ITPRIPL1: variants seen among roughly 807,000 people sequenced by gnomAD.
ITPRIPL1 encodes ITPRIP like 1, also known as inositol 1,4,5-trisphosphate receptor-interacting protein-like 1.
In ITPRIPL1, 28 loss-of-function variants were observed where a neutral mutation model predicts 40.0. The observed-to-expected ratio is 0.70, with a 90% confidence interval of 0.52 to 0.96. The LOEUF (loss-of-function observed/expected upper bound fraction) is 0.96, where lower values mean the gene tolerates loss of function less well. Among genes scored for constraint, ITPRIPL1 ranks in the 40% least tolerant of loss-of-function variants. The probability of loss-of-function intolerance (pLI) is 0.00; values close to 1 mark genes in which losing one functional copy is unlikely to be tolerated. For synonymous variants in ITPRIPL1, 251 were observed against 275.7 expected, an observed-to-expected ratio of 0.91 and a Z score of 0.89; for missense variants, 638 against 698.0, an observed-to-expected ratio of 0.91 and a Z score of 0.97.
chr2:96,327,529 A>G lies in ITPRIPL1; in HGVS notation c.898A>G (p.Ser300Gly). 6.2e-7 allele frequency: 1 copy of G among 1,613,986 alleles called. No individual in the cohort carries two copies. Among genetic ancestry groups the G allele is most frequent in the Non-Finnish European group, 8.5e-7 (1 of 1,179,986 alleles). ...RDPSAVLGKC[S>G]SSIKAALCTG... Reference sequence around the variant, plus strand: ...CCCCTCGGCAGTCTTGGGGAAGTGTAGTAGCTCCATCAAGGCAGCTCTCTG... The same window carrying G: ...CCCCTCGGCAGTCTTGGGGAAGTGTGGTAGCTCCATCAAGGCAGCTCTCTG... Residue 300 changes from serine to glycine, a missense_variant, in exon 3 of 3, where the codon AGT becomes GGT. By Grantham distance (56) the Ser-to-Gly change is moderately conservative (BLOSUM62 0). Transcript: ENST00000439118.
At position 96,325,744 on chromosome 2, in the gene ITPRIPL1, C is replaced by T; in HGVS notation, c.-93-3C>T. The T allele has an allele frequency of 7.7e-7, 1 of 1,297,066 alleles. No homozygotes were observed. The highest frequency in any genetic ancestry group is 1.1e-6 in the Non-Finnish European group (1 of 892,194). The allele number at this position is 1,297,066 out of a possible 1,614,324, so 80.3% of individuals were successfully genotyped here. A position where few individuals can be genotyped will look rare whatever the true frequency, so the allele number is the denominator to read the frequency against. On this transcript the variant is annotated splice_region_variant and splice_polypyrimidine_tract_variant and intron_variant, in intron 1 of 2. Transcript: ENST00000439118. Reference sequence around the variant, plus strand: ...CCCCCAGGTACCTTGTACATTTTAACAGGGCTCCTAGAGAGGGCGGGGAGA... The same window carrying T: ...CCCCCAGGTACCTTGTACATTTTAATAGGGCTCCTAGAGAGGGCGGGGAGA...
At position 96,326,106 on chromosome 2, in the gene ITPRIPL1, G is replaced by T. The variant is rs536337049; in HGVS notation, c.10+257G>T. 2.8e-5 allele frequency: 40 copies of T among 1,404,116 alleles called. No homozygotes were observed. The East Asian group carries it at 1.0e-3, about 36-fold the overall frequency. 87.0% of individuals were successfully genotyped at this position (1,404,116 alleles called of 1,614,324 possible). A position where few individuals can be genotyped will look rare whatever the true frequency, so the allele number is the denominator to read the frequency against. ...TCTCTTGCGCTCCCTGGGCAGAGAG[G>T]GAGAGGCTGAGTGATGAGGCTCACT... On this transcript the variant is annotated intron_variant, in intron 2 of 2. Coordinates refer to ENST00000439118, the MANE Select transcript of ITPRIPL1 (RefSeq NM_001008949.3).
Position 96,327,066 on chromosome 2 carries a change from G to C in ITPRIPL1, c.435G>C (p.Glu145Asp). 6.2e-7 allele frequency: 1 copy of C among 1,614,186 alleles called. No homozygotes were observed. The highest frequency in any genetic ancestry group is 8.5e-7 in the Non-Finnish European group (1 of 1,180,026). ...TTGATTCCAGCAGTGAGGAGGAGGA[G>C]GAGGAAGTCCGTGTTGTCCCTGTCA... ...PAFDSSSEEE[E>D]EEVRVVPVTS... Residue 145 changes from glutamate (E) to aspartate (D), a missense_variant, in exon 3 of 3, where the codon GAG becomes GAC. Transcript: ENST00000439118.
Position 96,328,174 on chromosome 2 carries a change from C to A in ITPRIPL1, c.1543C>A (p.Pro515Thr). 6.2e-7 allele frequency: 1 copy of A among 1,614,172 alleles called. No homozygotes were observed. Among genetic ancestry groups the A allele is most frequent in the Non-Finnish European group, 8.5e-7 (1 of 1,180,028 alleles). ...PIPKTFRNAEPVNLFQHLVLN... is the reference protein window; with the variant it reads ...PIPKTFRNAETVNLFQHLVLN... Reference sequence around the variant, plus strand: ...CCCTAAGACATTTAGGAATGCTGAGCCGGTCAATCTCTTCCAACACCTGGT... The same window carrying A: ...CCCTAAGACATTTAGGAATGCTGAGACGGTCAATCTCTTCCAACACCTGGT... Residue 515 changes from proline to threonine, a missense_variant, in exon 3 of 3, where the codon CCG becomes ACG. Pro to Thr is a conservative substitution (Grantham distance 38, BLOSUM62 -1). Coordinates refer to ENST00000439118, the MANE Select transcript of ITPRIPL1 (RefSeq NM_001008949.3).
chr2:96,325,594 G>A (rs2064098415), intron 1 of ITPRIPL1, 29 bp downstream of exon 1: 3 of 589,986 alleles, frequency 5.1e-6, no homozygotes, highest in Admixed American at 5.9e-5. Flanking sequence ...GGTCCCGGGA[G>A]ACATCCCGAG....
In ITPRIPL1 at chr2:96,327,862, C is replaced by T. The variant is rs746646034; in HGVS notation, c.1231C>T (p.Arg411Cys). 2.8e-5 allele frequency: 45 copies of T among 1,613,962 alleles called. No individual in the cohort carries two copies. Among genetic ancestry groups the T allele is most frequent in the Non-Finnish European group, 3.4e-5 (40 of 1,180,028 alleles). Reference protein sequence around the residue: ...CEHLFLKLVGRFAPENTCHLK... With the variant: ...CEHLFLKLVGCFAPENTCHLK... ...GCACCTGTTCCTGAAGCTGGTGGGG[C>T]GCTTTGCCCCCGAGAACACCTGTCA... is the stretch of plus-strand genomic sequence containing the variant. Residue 411 changes from arginine (R) to cysteine (C), a missense_variant, in exon 3 of 3, where the codon CGC becomes TGC. Physicochemically the swap from Arg to Cys is radical, Grantham distance 180 (BLOSUM62 -3). Transcript: ENST00000439118.
chr2:96,329,097 C>T (rs959482205), downstream of ITPRIPL1: 4 of 143,248 alleles, frequency 2.8e-5, no homozygotes, highest in East Asian at 2.1e-4. Context: ...GATCGCACCA[C>T]TACACTTCAG....
Position 96,325,743 on chromosome 2 carries a change from A to G in ITPRIPL1, c.-93-4A>G. 1 of 1,292,284 alleles carries G rather than the reference A, an allele frequency of 7.7e-7. No individual in the cohort carries two copies. The highest frequency in any genetic ancestry group is 1.7e-5 in the Admixed American group (1 of 58,620). 80.1% of individuals were successfully genotyped at this position (1,292,284 alleles called of 1,614,324 possible). A position where few individuals can be genotyped will look rare whatever the true frequency, so the allele number is the denominator to read the frequency against. On this transcript the variant is annotated splice_region_variant and splice_polypyrimidine_tract_variant and intron_variant, in intron 1 of 2. Transcript: ENST00000439118. ...GCCCCCAGGTACCTTGTACATTTTA[A>G]CAGGGCTCCTAGAGAGGGCGGGGAG...
In ITPRIPL1 at chr2:96,326,673, G is replaced by C. The variant is rs1189519841; in HGVS notation, c.42G>C (p.Leu14=). The C allele has an allele frequency of 6.2e-7, 1 of 1,614,252 alleles. No individual in the cohort carries two copies. The highest frequency in any genetic ancestry group is 8.5e-7 in the Non-Finnish European group (1 of 1,180,040). ...AGGCCTCCATGGCTGTGATAAGCCTGCTGTTCTTGGCAGTGATGTATGTTG... is the reference window on the plus strand; with the variant it reads ...AGGCCTCCATGGCTGTGATAAGCCTCCTGTTCTTGGCAGTGATGTATGTTG... ...DAEASMAVIS[L]LFLAVMYVVH... is the part of the protein sequence containing the mutation. Residue 14 remains leucine, a synonymous_variant, in exon 3 of 3, where the codon CTG becomes CTC. Coordinates refer to ENST00000439118, the MANE Select transcript of ITPRIPL1 (RefSeq NM_001008949.3).
chr2:96,329,611 T>C (rs766779290), downstream of ITPRIPL1: 43 of 151,754 alleles, frequency 2.8e-4, no homozygotes, highest in Non-Finnish European at 6.0e-4. Flanking sequence ...ACTGTGTTTG[T>C]GGTTTTGAAA....
intron 2 of ITPRIPL1, chr2:96,326,229 T>C (rs770899872): frequency 7.0e-7 from 1 of 1,437,548 alleles, no homozygotes; most frequent in Non-Finnish European, 9.2e-7. Context: ...CCCAGGCAGG[T>C]TCAGGGCTTT....
chr2:96,326,257 C>T (rs994243746), intron 2 of ITPRIPL1: 146 of 1,438,650 alleles, frequency 1.0e-4, no homozygotes, highest in Non-Finnish European at 1.3e-4. Context: ...TAAAAGGGAG[C>T]CTCTGGGATC....
In ITPRIPL1 at chr2:96,327,751, G is replaced by C; in HGVS notation, c.1120G>C (p.Asp374His). ...IHLVLGVQRE[D>H]TLVYLVSQAP... The stretch of plus-strand genomic sequence containing the variant: ...CTTGGTCCTGGGGGTGCAACGAGAA[G>C]ACACCTTGGTCTACCTGGTGAGTCA... Residue 374 changes from aspartate (D) to histidine (H), a missense_variant, in exon 3 of 3, where the codon GAC becomes CAC. Physicochemically the swap from Asp to His is moderately conservative, Grantham distance 81. Transcript: ENST00000439118. 2 of 1,613,574 alleles carry C rather than the reference G, an allele frequency of 1.2e-6. No homozygotes were observed. Among genetic ancestry groups the C allele is most frequent in the South Asian group, 2.2e-5 (2 of 91,068 alleles).
intron 2 of ITPRIPL1, chr2:96,326,251 A>G: frequency 7.0e-7 from 1 of 1,437,102 alleles, no homozygotes; most frequent in Non-Finnish European, 9.2e-7. Flanking sequence ...TGGCTATAAA[A>G]GGGAGCCTCT....
chr2:96,326,365 G>A, intron 2 of ITPRIPL1: 1 of 1,509,274 alleles, frequency 6.6e-7, no homozygotes, highest in South Asian at 1.2e-5. Context: ...AATGAAAACA[G>A]TCCCATGTAC....
rs544374754 is a variant in ITPRIPL1, at chr2:96,325,545, G to T, written c.-114G>T. ...CAGGCCGCGCTGTCTCTTTAAGATC[G>T]TGTTCCTACTAACACTGACGGTGAG... On this transcript the variant is annotated 5_prime_UTR_variant, in exon 1 of 3. Coordinates refer to ENST00000439118, the MANE Select transcript of ITPRIPL1 (RefSeq NM_001008949.3). 4.5e-4 allele frequency: 241 copies of T among 535,940 alleles called. 3 individuals carry two copies. In the South Asian group the frequency reaches 5.1e-3, roughly 11 times the overall value. The allele number at this position is 535,940 out of a possible 1,614,324, so 33.2% of individuals were successfully genotyped here. A position where few individuals can be genotyped will look rare whatever the true frequency, so the allele number is the denominator to read the frequency against.
Position 96,326,968 on chromosome 2 carries a change from T to A in ITPRIPL1, c.337T>A (p.Trp113Arg). ...GPLGWMLGNL[W>R]NTGLFCLFLV... ...TCTGGGCTGGATGCTGGGAAACCTGTGGAACACTGGCCTCTTTTGCCTTTT... is the reference window on the plus strand; with the variant it reads ...TCTGGGCTGGATGCTGGGAAACCTGAGGAACACTGGCCTCTTTTGCCTTTT... Residue 113 changes from tryptophan to arginine, a missense_variant, in exon 3 of 3, where the codon TGG (tryptophan) becomes AGG (arginine). Coordinates refer to ENST00000439118, the MANE Select transcript of ITPRIPL1 (RefSeq NM_001008949.3). 6.2e-7 allele frequency: 1 copy of A among 1,614,210 alleles called. No individual in the cohort carries two copies. Among genetic ancestry groups the A allele is most frequent in the Non-Finnish European group, 8.5e-7 (1 of 1,180,036 alleles).
Position 96,327,733 on chromosome 2 carries a change from C to G in ITPRIPL1, c.1102C>G (p.Leu368Val). The G allele has an allele frequency of 3.1e-6, 5 of 1,613,450 alleles. No individual in the cohort carries two copies. Among genetic ancestry groups the G allele is most frequent in the Non-Finnish European group, 4.2e-6 (5 of 1,179,714 alleles). ...CCGCTTTCTCTCAATCCACTTGGTC[C>G]TGGGGGTGCAACGAGAAGACACCTT... is the stretch of plus-strand genomic sequence containing the variant. ...SGRFLSIHLVLGVQREDTLVY... is the reference protein window; with the variant it reads ...SGRFLSIHLVVGVQREDTLVY... The change falls in exon 3 of 3, where the codon CTG (leucine) becomes GTG (valine). Residue 368 changes from leucine (L) to valine (V), a missense_variant. Coordinates refer to ENST00000439118, the MANE Select transcript of ITPRIPL1 (RefSeq NM_001008949.3).
rs1044185131 is a variant in ITPRIPL1 at position 96,327,087 on chromosome 2, T to C, written c.456T>C (p.Pro152=). Residue 152 remains proline (P), a synonymous_variant, in exon 3 of 3, where the codon CCT becomes CCC. Coordinates refer to ENST00000439118, the MANE Select transcript of ITPRIPL1 (RefSeq NM_001008949.3). The part of the protein sequence containing the change: ...EEEEEEVRVV[P]VTSYNWLTDF... ...AGGAGGAGGAAGTCCGTGTTGTCCC[T>C]GTCACCTCTTACAACTGGCTTACTG... 4 of 1,614,208 alleles carry C rather than the reference T, an allele frequency of 2.5e-6. No homozygotes were observed. Among genetic ancestry groups the C allele is most frequent in the Non-Finnish European group, 3.4e-6 (4 of 1,180,026 alleles).
Sources: allele counts gnomAD v4.1 joint callset, GRCh38; gene constraint gnomAD v4.1.1; transcripts MANE v1.5; gene names NCBI Gene and HGNC (gene_info 2026-07-23, HGNC 2026-07-21).